Variants in CSMD1 observed in about 807,000 individuals in gnomAD.
CSMD1 encodes the protein CUB and sushi domain-containing protein 1.
CSMD1 carries 213 observed loss-of-function variants against 417.5 expected under a neutral mutation model. The observed-to-expected ratio is 0.51, with a 90% CI of 0.46 to 0.57. CSMD1 has a LOEUF of 0.57. CSMD1 is among the 20% of genes least tolerant of loss of function. The pLI is 0.00. For synonymous variants in CSMD1, 2,862 were observed against 1,736.8 expected (o/e 1.65, Z -16.11); for missense variants, 6,923 against 4,529.7 (o/e 1.53, Z -15.17).
intron 2 of CSMD1, among the ~76,000 whole-genome samples, chr8:4,503,142 AC>A (rs1218874510): frequency 6.6e-6 from 1 of 152,182 alleles, no homozygotes; most frequent in African/African-American, 2.4e-5. Context: ...TGCTTTTTTT[AC>A]GTGAAGTGTG....
chr8:4,850,255 T>C (rs1585209478), intron 1 of CSMD1, among the ~76,000 whole-genome samples: 1 of 152,330 alleles, frequency 6.6e-6, no homozygotes, highest in Non-Finnish European at 1.5e-5. Flanking sequence ...TTCTATGTTC[T>C]AGATGCAAAT....
At chr8:4,108,223 C>T (rs1230856128) in intron 3 of CSMD1, among the ~76,000 whole-genome samples, 1 of 152,060 alleles carries the variant, frequency 6.6e-6, no homozygotes. Flanking sequence ...TGAAGTCCTT[C>T]GTAAACATTT....
chr8:4,459,688 A>C (rs187457873), intron 2 of CSMD1, among the ~76,000 whole-genome samples: 37 of 152,332 alleles, frequency 2.4e-4, no homozygotes, highest in African/African-American at 8.2e-4. Context: ...TGGACATAAG[A>C]ATATGGAGCC....
chr8:4,351,029 T>C (rs1037912279), intron 3 of CSMD1, among the ~76,000 whole-genome samples: 2 of 152,088 alleles, frequency 1.3e-5, no homozygotes, highest in African/African-American at 4.8e-5. Flanking sequence ...TGGCTACCTC[T>C]ATCAAAGAAC....
chr8:4,483,173 A>G (rs983271532), intron 2 of CSMD1, among the ~76,000 whole-genome samples: 1 of 152,090 alleles, frequency 6.6e-6, no homozygotes, highest in African/African-American at 2.4e-5. Flanking sequence ...GGGGTAATCC[A>G]TTTCACTTGG....
chr8:3,485,564 G>GAGAGGGAGAGAGAGAGAGAGAA (rs1491134851), intron 11 of CSMD1, among the ~76,000 whole-genome samples: 5 of 150,134 alleles, frequency 3.3e-5, no homozygotes, highest in African/African-American at 9.8e-5. Flanking sequence ...GAGAGAGAGA[G>GAGAGGGAGAGAGAGAGAGAGAA]GGAGAGAGAG....
intron 8 of CSMD1, among the ~76,000 whole-genome samples, chr8:3,595,690 G>A (rs1801057634): frequency 6.6e-6 from 1 of 152,188 alleles, no homozygotes; most frequent in Admixed American, 6.5e-5. Flanking sequence ...AATGAGGTGT[G>A]AATTTTTGTG....
At chr8:4,430,736 A>G (rs1797827171) in intron 2 of CSMD1, among the ~76,000 whole-genome samples, 1 of 152,108 alleles carries the variant, frequency 6.6e-6, no homozygotes, top group African/African-American at 2.4e-5. Context: ...CCAAGCATGA[A>G]ACAGCATCCA....
chr8:4,844,097 G>C (rs13271740), intron 1 of CSMD1, among the ~76,000 whole-genome samples: 29,076 of 152,102 alleles, frequency 0.19, 3,589 homozygotes, highest in Non-Finnish European at 0.27. Flanking sequence ...AATGCATGAA[G>C]TGTTTGTCTA....
intron 3 of CSMD1, among the ~76,000 whole-genome samples, chr8:4,105,631 A>T (rs1801529389): frequency 6.6e-6 from 1 of 152,200 alleles, no homozygotes; most frequent in Admixed American, 6.5e-5. Context: ...AGCAAAGGGG[A>T]TTGGAGTAGC....
At chr8:3,157,537 A>G (rs920999987) in intron 39 of CSMD1, among the ~76,000 whole-genome samples, 2 of 152,180 alleles carry the variant, frequency 1.3e-5, no homozygotes, top group Admixed American at 1.3e-4. Context: ...TTCTGAGGCT[A>G]AAGGTCTATA....
chr8:4,424,488 A>G (rs1026648208), intron 2 of CSMD1, among the ~76,000 whole-genome samples: 18 of 152,196 alleles, frequency 1.2e-4, no homozygotes, highest in Admixed American at 1.1e-3. Context: ...CCACAGAGAA[A>G]TACCGCACAT....
chr8:4,033,200 G>A (rs1458773370), intron 3 of CSMD1, among the ~76,000 whole-genome samples: 2 of 150,852 alleles, frequency 1.3e-5, no homozygotes, highest in Admixed American at 1.3e-4. Context: ...CAGCACTTTG[G>A]GAGGCCGAGG....
At chr8:3,935,128 A>G (rs1053020145) in intron 5 of CSMD1, among the ~76,000 whole-genome samples, 3 of 152,142 alleles carry the variant, frequency 2.0e-5, no homozygotes, top group African/African-American at 7.2e-5. Context: ...TTTTCTCTGT[A>G]TGTCAGAAGT....
intron 2 of CSMD1, among the ~76,000 whole-genome samples, chr8:4,439,911 C>G (rs190721086): frequency 2.6e-5 from 4 of 152,230 alleles, no homozygotes; most frequent in East Asian, 1.9e-4. Context: ...AGTTAACAAG[C>G]TTAATAAGGA....
At chr8:4,116,616 G>C (rs1012148800) in intron 3 of CSMD1, among the ~76,000 whole-genome samples, 3 of 141,844 alleles carry the variant, frequency 2.1e-5, no homozygotes, top group African/African-American at 7.9e-5. Context: ...TGCCTGGATG[G>C]AACAAACGCG....
intron 5 of CSMD1, among the ~76,000 whole-genome samples, chr8:3,879,806 G>A (rs1031854207): frequency 2.0e-5 from 3 of 149,258 alleles, no homozygotes; most frequent in South Asian, 2.1e-4. Context: ...CATTTATTTC[G>A]TGTATAGAGT....
chr8:4,157,916 C>T (rs774932848), intron 3 of CSMD1, among the ~76,000 whole-genome samples: 1 of 152,168 alleles, frequency 6.6e-6, no homozygotes. Flanking sequence ...TGGGCTTGTC[C>T]CTGAGGTTAA....
chr8:4,300,077 G>C (rs923993386), intron 3 of CSMD1, among the ~76,000 whole-genome samples: 3 of 152,180 alleles, frequency 2.0e-5, no homozygotes, highest in Non-Finnish European at 2.9e-5. Flanking sequence ...AGAACATCTG[G>C]ATTTAGGATT....
Sources: allele counts gnomAD v4.1 joint callset (sites outside exome capture counted in the v4.1 genomes callset), GRCh38; gene constraint gnomAD v4.1.1; transcripts MANE v1.5; gene names NCBI Gene and HGNC (gene_info 2026-07-23, HGNC 2026-07-21).